Variants in SLC44A5 observed in about 807,000 individuals in gnomAD.
SLC44A5 encodes the protein choline transporter-like protein 5.
Under a neutral mutation model 101.8 loss-of-function variants are expected in SLC44A5, and 57 were observed. That is an observed-to-expected ratio of 0.56 (90% CI 0.45 to 0.70). The LOEUF is 0.70. Ranked by LOEUF, SLC44A5 falls within the 30% of genes least tolerant of loss-of-function variation. SLC44A5 has a pLI of 0.00. For missense variants in SLC44A5, 737 were observed against 853.1 expected (o/e 0.86, Z 1.70); for synonymous variants, 281 against 290.9 (o/e 0.97, Z 0.35).
intron 2 of SLC44A5, among the ~76,000 whole-genome samples, chr1:75,408,191 A>C (rs1213477314): frequency 6.6e-6 from 1 of 152,228 alleles, no homozygotes; most frequent in African/African-American, 2.4e-5. Flanking sequence ...TAGAATGGTG[A>C]TCATTAAAAA....
At chr1:75,623,015 A>T in the SLC44A5 span, among the ~76,000 whole-genome samples, 44,671 of 139,786 alleles carry the variant, frequency 0.32, 7,533 homozygotes, top group East Asian at 0.82. Context: ...TACTTCTCTT[A>T]ATGCAGTAAC....
intron 2 of SLC44A5, among the ~76,000 whole-genome samples, chr1:75,457,155 A>G (rs1666229800): frequency 6.6e-6 from 1 of 152,160 alleles, no homozygotes; most frequent in Admixed American, 6.6e-5. Flanking sequence ...GGTTCTCAAA[A>G]TTTTAATTCT....
the SLC44A5 span, among the ~76,000 whole-genome samples, chr1:75,690,396 C>T: frequency 8.5e-5 from 13 of 152,132 alleles, no homozygotes; most frequent in East Asian, 9.7e-4. Flanking sequence ...CTTTAACACA[C>T]GGGGATTATA....
chr1:75,449,490 C>T (rs1272186241), intron 2 of SLC44A5, among the ~76,000 whole-genome samples: 1 of 152,122 alleles, frequency 6.6e-6, no homozygotes, highest in African/African-American at 2.4e-5. Context: ...TTGCCCCACT[C>T]TCTTGGGGTT....
At chr1:75,247,696 G>A (rs1649228092) in intron 7 of SLC44A5, among the ~76,000 whole-genome samples, 1 of 152,022 alleles carries the variant, frequency 6.6e-6, no homozygotes, top group Non-Finnish European at 1.5e-5. Flanking sequence ...GAAGAATGTT[G>A]TGCCCTGGAA....
intron 2 of SLC44A5, among the ~76,000 whole-genome samples, chr1:75,490,930 TA>T (rs879312920): frequency 0.013 from 1,947 of 147,922 alleles, 22 homozygotes; most frequent in African/African-American, 0.038. Flanking sequence ...TCTACTTTTT[TA>T]AAAAAAAAAA....
chr1:75,681,042 C>T, the SLC44A5 span, among the ~76,000 whole-genome samples: 6 of 151,076 alleles, frequency 4.0e-5, no homozygotes, highest in African/African-American at 1.5e-4. Flanking sequence ...GACACATACA[C>T]TCTCCCAAGA....
the SLC44A5 span, among the ~76,000 whole-genome samples, chr1:75,627,721 A>G: frequency 6.6e-6 from 1 of 151,822 alleles, no homozygotes; most frequent in African/African-American, 2.4e-5. Flanking sequence ...AAATTCGTAT[A>G]TAATAGATAT....
the SLC44A5 span, among the ~76,000 whole-genome samples, chr1:75,670,995 C>G: frequency 2.6e-5 from 4 of 152,146 alleles, no homozygotes; most frequent in Admixed American, 6.6e-5. Flanking sequence ...GGAAGCACTG[C>G]ACGTAACATA....
chr1:75,654,750 A>C, the SLC44A5 span, among the ~76,000 whole-genome samples: 322 of 152,224 alleles, frequency 2.1e-3, 2 homozygotes, highest in African/African-American at 7.2e-3. Flanking sequence ...AAAAATAAAG[A>C]CTACATCAGC....
At chr1:75,645,335 G>C in the SLC44A5 span, among the ~76,000 whole-genome samples, 2 of 152,086 alleles carry the variant, frequency 1.3e-5, no homozygotes, top group Non-Finnish European at 2.9e-5. Flanking sequence ...GGTGTAAGGT[G>C]GTATCTCATT....
rs140826364 is a variant in SLC44A5, at chr1:75,601,788, G to A, written c.-70+9252C>T. ...TTCCCTTCCATAAAGATCACTCAACGACATCATCTAACCACCTTCCCACCC... is the reference window on the plus strand; with the variant it reads ...TTCCCTTCCATAAAGATCACTCAACAACATCATCTAACCACCTTCCCACCC... On this transcript the variant is annotated intron_variant, in intron 1 of 23. Coordinates refer to ENST00000370859, the MANE Select transcript of SLC44A5 (RefSeq NM_001130058.2). Among the ~76,000 whole-genome samples, 859 of 152,118 alleles carry A rather than the reference G, an allele frequency of 5.6e-3. 8 individuals carry two copies. The highest frequency in any genetic ancestry group is 0.02 in the African/African-American group (817 of 41,496).
chr1:75,503,292 G>A (rs1365187580), intron 2 of SLC44A5, among the ~76,000 whole-genome samples: 1 of 152,020 alleles, frequency 6.6e-6, no homozygotes, highest in African/African-American at 2.4e-5. Context: ...CACTAACTCT[G>A]GTTTGGCTCT....
At position 75,271,497 on chromosome 1, in the gene SLC44A5, T is replaced by TTTTTTGTGTGTGTG. The variant is rs1553152601; in HGVS notation, c.260+3460_260+3461insCACACACACAAAAA. Among the ~76,000 whole-genome samples the TTTTTTGTGTGTGTG allele has an allele frequency of 6.8e-4, 100 of 146,396 alleles. 1 individual carries two copies. The highest frequency in any genetic ancestry group is 1.3e-3 in the South Asian group (6 of 4,550). On this transcript the variant is annotated intron_variant, in intron 6 of 23. Coordinates refer to ENST00000370859, the MANE Select transcript of SLC44A5 (RefSeq NM_001130058.2). Reference sequence around the variant, plus strand: ...AGTCCATTATATCACTCTGCATGTTTTGTGTGTGTGTGTGTGTGTGTGTGT... The same window carrying TTTTTTGTGTGTGTG: ...AGTCCATTATATCACTCTGCATGTTTTTTTTGTGTGTGTGTGTGTGTGTGTGTGTGTGTGTGTGT...
At chr1:75,659,467 A>G in the SLC44A5 span, among the ~76,000 whole-genome samples, 9 of 56,628 alleles carry the variant, frequency 1.6e-4, no homozygotes, top group South Asian at 1.1e-3. Flanking sequence ...GAAGGAAGGA[A>G]GGAAGGAAGG....
chr1:75,309,597 A>G (rs1655153823), intron 4 of SLC44A5, among the ~76,000 whole-genome samples: 1 of 152,242 alleles, frequency 6.6e-6, no homozygotes, highest in African/African-American at 2.4e-5. Flanking sequence ...TTATACAAGT[A>G]TGCTATTGGT....
At chr1:75,247,636 T>C (rs186164739) in intron 7 of SLC44A5, among the ~76,000 whole-genome samples, 7 of 152,166 alleles carry the variant, frequency 4.6e-5, no homozygotes, top group African/African-American at 1.7e-4. Context: ...TTAAGATAAC[T>C]CATCAAAGGA....
intron 3 of SLC44A5, among the ~76,000 whole-genome samples, chr1:75,350,653 C>T (rs1037615193): frequency 2.0e-5 from 3 of 151,246 alleles, no homozygotes; most frequent in Admixed American, 6.6e-5. Context: ...CCAACACTTT[C>T]GGAGGCCAAG....
intron 2 of SLC44A5, among the ~76,000 whole-genome samples, chr1:75,473,981 C>T (rs1375029719): frequency 6.6e-6 from 1 of 152,146 alleles, no homozygotes; most frequent in Non-Finnish European, 1.5e-5. Context: ...CCTGCACATA[C>T]ATGACATATA....
Sources: allele counts gnomAD v4.1 joint callset (sites outside exome capture counted in the v4.1 genomes callset), GRCh38; gene constraint gnomAD v4.1.1; transcripts MANE v1.5; gene names NCBI Gene and HGNC (gene_info 2026-07-23, HGNC 2026-07-21).